DOCK1: variants seen among roughly 807,000 people sequenced by gnomAD.
DOCK1 encodes the protein dedicator of cytokinesis protein 1.
Under a neutral mutation model 262.7 loss-of-function variants are expected in DOCK1, and 138 were observed. The observed-to-expected ratio is 0.53, with a 90% CI of 0.46 to 0.61. The LOEUF (loss-of-function observed/expected upper bound fraction) is 0.61, where lower values mean the gene tolerates loss of function less well. Ranked by LOEUF, DOCK1 falls within the 20% of genes least tolerant of loss-of-function variation. The pLI is 0.00. For missense variants in DOCK1, 1,908 were observed against 2,370.7 expected (o/e 0.80, Z 4.05); for synonymous variants, 866 against 867.4 (o/e 1.00, Z 0.03).
chr10:127,156,556 C>CTTTTTTTTT (rs2053082435), intron 27 of DOCK1, among the ~76,000 whole-genome samples: 1 of 94,808 alleles, frequency 1.1e-5, no homozygotes, highest in Non-Finnish European at 2.2e-5. Context: ...TCTTCTTCTT[C>CTTTTTTTTT]TTCTTCTTTT....
chr10:127,367,631 G>A (rs1052799906), intron 33 of DOCK1, among the ~76,000 whole-genome samples: 2 of 152,168 alleles, frequency 1.3e-5, no homozygotes, highest in Non-Finnish European at 2.9e-5. Flanking sequence ...TGAGATGGGA[G>A]GCCCCAGATG....
intron 27 of DOCK1, among the ~76,000 whole-genome samples, chr10:127,199,427 G>A (rs2057357242): frequency 6.6e-6 from 1 of 152,144 alleles, no homozygotes; most frequent in Non-Finnish European, 1.5e-5. Flanking sequence ...ATCTATATCT[G>A]TTCCAAACGG....
intron 3 of DOCK1, among the ~76,000 whole-genome samples, chr10:126,979,685 G>A (rs1045852178): frequency 2.0e-5 from 3 of 152,078 alleles, no homozygotes; most frequent in African/African-American, 2.4e-5. Flanking sequence ...ACACAGTAGC[G>A]CTGGGTAGGG....
chr10:126,950,314 GGT>G (rs1434615197), intron 1 of DOCK1, among the ~76,000 whole-genome samples: 1 of 151,950 alleles, frequency 6.6e-6, no homozygotes, highest in Non-Finnish European at 1.5e-5. Context: ...TGGGATCTTG[GGT>G]GGTAAATATT....
intron 38 of DOCK1, among the ~76,000 whole-genome samples, chr10:127,398,630 CT>C (rs2067054438): frequency 6.6e-6 from 1 of 152,300 alleles, no homozygotes; most frequent in South Asian, 2.1e-4. Context: ...CCAATAACTG[CT>C]GTGAAAAAAC....
intron 10 of DOCK1, 63 bp downstream of exon 10, chr10:127,000,370 C>T (rs1360738084): frequency 4.4e-6 from 7 of 1,580,528 alleles, no homozygotes; most frequent in Non-Finnish European, 6.0e-6. Context: ...TCAAAAGAAT[C>T]ACTGTTGAAT....
At chr10:127,341,628 C>T (rs1417125111) in intron 30 of DOCK1, among the ~76,000 whole-genome samples, 4 of 152,136 alleles carry the variant, frequency 2.6e-5, no homozygotes, top group Admixed American at 6.6e-5. Context: ...GGTAGATTCC[C>T]GTGTGTTTTA....
chr10:127,311,065 T>C (rs548532837), intron 29 of DOCK1, among the ~76,000 whole-genome samples: 5 of 152,332 alleles, frequency 3.3e-5, no homozygotes, highest in African/African-American at 1.2e-4. Context: ...GCCAAAAGGC[T>C]GTCTGCCCCA....
chr10:127,294,834 T>A (rs2061453980), intron 29 of DOCK1, among the ~76,000 whole-genome samples: 1 of 149,608 alleles, frequency 6.7e-6, no homozygotes. Flanking sequence ...TAGAGACGAG[T>A]TTTCGCCACA....
intron 47 of DOCK1, among the ~76,000 whole-genome samples, chr10:127,428,400 G>C (rs944111433): frequency 6.9e-6 from 1 of 144,532 alleles, no homozygotes; most frequent in Admixed American, 6.9e-5. Context: ...TTGGTGTGCT[G>C]TGTGGATTGG....
chr10:127,397,683 C>T (rs1278269963), intron 38 of DOCK1, among the ~76,000 whole-genome samples: 2 of 151,914 alleles, frequency 1.3e-5, no homozygotes, highest in Non-Finnish European at 2.9e-5. Context: ...TCCTGCATGA[C>T]ACAGGTAGTA....
chr10:127,031,786 A>G (rs750145469), intron 17 of DOCK1, 33 bp downstream of exon 17: 7 of 1,583,340 alleles, frequency 4.4e-6, no homozygotes, highest in Middle Eastern at 1.7e-4. Context: ...TATTGCTGCT[A>G]TAGACAGTTT....
At chr10:127,268,792 T>C (rs1440548574) in intron 29 of DOCK1, among the ~76,000 whole-genome samples, 1 of 151,904 alleles carries the variant, frequency 6.6e-6, no homozygotes, top group Non-Finnish European at 1.5e-5. Flanking sequence ...TTTGGGGTGG[T>C]GTTTGGGAGC....
chr10:126,916,879 C>T (rs967573686), intron 1 of DOCK1, among the ~76,000 whole-genome samples: 6 of 151,700 alleles, frequency 4.0e-5, no homozygotes, highest in African/African-American at 1.5e-4. Flanking sequence ...TTCAGAATTC[C>T]AGTTTGTCAC....
In DOCK1 at chr10:127,409,381, C is replaced by A. The variant is rs764713332; in HGVS notation, c.4333C>A (p.Gln1445Lys). The change falls in exon 42 of 52, where the codon CAG becomes AAG. Residue 1445 changes from glutamine (Q) to lysine (K), a missense_variant. Gln to Lys is a moderately conservative substitution (Grantham distance 53). Coordinates refer to ENST00000623213, the MANE Select transcript of DOCK1 (RefSeq NM_001290223.2). Reference protein sequence around the residue: ...PPKFHRPVSEQIVSFYRVNEV... With the variant: ...PPKFHRPVSEKIVSFYRVNEV... Reference sequence around the variant, plus strand: ...TAAGTTTCACAGGCCAGTGTCAGAGCAGATTGTAAGGTAATAATCCCATTT... The same window carrying A: ...TAAGTTTCACAGGCCAGTGTCAGAGAAGATTGTAAGGTAATAATCCCATTT... 6.2e-7 allele frequency: 1 copy of A among 1,613,992 alleles called. No individual in the cohort carries two copies. The highest frequency in any genetic ancestry group is 8.5e-7 in the Non-Finnish European group (1 of 1,179,892).
intron 38 of DOCK1, among the ~76,000 whole-genome samples, chr10:127,398,895 G>A (rs2067068713): frequency 2.0e-5 from 3 of 152,192 alleles, no homozygotes. Context: ...CACCTCATGG[G>A]TAAGAAATCA....
chr10:127,422,890 T>C (rs1349683667), intron 46 of DOCK1, among the ~76,000 whole-genome samples: 2 of 152,198 alleles, frequency 1.3e-5, no homozygotes, highest in African/African-American at 2.4e-5. Context: ...TACAGCAAAT[T>C]GGATTTTAAG....
chr10:127,412,689 G>C (rs7908688), intron 43 of DOCK1, among the ~76,000 whole-genome samples: 38,872 of 152,148 alleles, frequency 0.26, 5,257 homozygotes, highest in African/African-American at 0.33. Flanking sequence ...TGGCTACCCA[G>C]TCTCCCTCCC....
At chr10:127,133,288 T>C (rs1185615858) in intron 27 of DOCK1, among the ~76,000 whole-genome samples, 1 of 152,250 alleles carries the variant, frequency 6.6e-6, no homozygotes, top group Non-Finnish European at 1.5e-5. Flanking sequence ...AAAGATGTTA[T>C]ATCCCCATGC....
Sources: gnomAD v4.1 joint callset for allele counts (sites outside exome capture counted in the v4.1 genomes callset) on GRCh38, gnomAD v4.1.1 for gene constraint, MANE v1.5 for transcripts, NCBI Gene and HGNC (gene_info 2026-07-23, HGNC 2026-07-21) for gene names.